The following ARHGAP17 variants were observed in gnomAD, a reference collection of about 807,000 sequenced individuals.
ARHGAP17 encodes Rho GTPase activating protein 17.
A neutral mutation model predicts 99.5 loss-of-function variants in ARHGAP17; 57 were observed. The observed-to-expected ratio is 0.57, with a 90% CI of 0.46 to 0.71. The LOEUF (loss-of-function observed/expected upper bound fraction) is 0.71. Among genes scored for constraint, ARHGAP17 ranks in the 30% least tolerant of loss-of-function variants. The pLI, the probability that ARHGAP17 is intolerant of heterozygous loss-of-function variation, is 0.00. For missense variants in ARHGAP17, 1,000 were observed against 1,122.4 expected (o/e 0.89, Z 1.56); for synonymous variants, 417 against 429.6 (o/e 0.97, Z 0.36).
In ARHGAP17 at chr16:24,978,948, G is replaced by A. The variant is rs368447541; in HGVS notation, c.93+18C>T. ...CATCCTTTAAACAGATCATTTAAAG[G>A]AGACTATATTTTGTTACCTGTAATA... On this transcript the variant is annotated intron_variant, in intron 2 of 19. Coordinates refer to ENST00000289968, the MANE Select transcript of ARHGAP17 (RefSeq NM_001006634.3). 12 of 1,572,118 alleles carry A rather than the reference G, an allele frequency of 7.6e-6. No individual in the cohort carries two copies. The highest frequency in any genetic ancestry group is 1.0e-5 in the Non-Finnish European group (12 of 1,161,640).
Position 24,947,481 on chromosome 16 carries a change from C to A in ARHGAP17, c.1241+1G>T, listed in dbSNP as rs2141214358. 1 of 1,610,714 alleles carries A rather than the reference C, an allele frequency of 6.2e-7. No individual in the cohort carries two copies. The highest frequency in any genetic ancestry group is 8.5e-7 in the Non-Finnish European group (1 of 1,177,716). ...AAATGATACAGAGAAAGATGACTTA[C>A]CCTTCATTTCTGGCCCATAACAAGT... On this transcript the variant is annotated splice_donor_variant, in intron 14 of 19. Coordinates refer to ENST00000289968, the MANE Select transcript of ARHGAP17 (RefSeq NM_001006634.3). LOFTEE classifies it high-confidence loss of function.
intron 10 of ARHGAP17, 115 bp downstream of exon 10, chr16:24,954,488 G>T (rs1687489064): frequency 7.1e-7 from 1 of 1,411,330 alleles, no homozygotes. Flanking sequence ...ACACAAAACG[G>T]ACAATGGCTG....
At position 24,920,152 on chromosome 16, in the gene ARHGAP17, T is replaced by C; in HGVS notation, c.2624A>G (p.Asp875Gly). The C allele has an allele frequency of 6.2e-7, 1 of 1,614,066 alleles. No homozygotes were observed. The highest frequency in any genetic ancestry group is 8.5e-7 in the Non-Finnish European group (1 of 1,179,976). The change falls in exon 20 of 20, where the codon GAT becomes GGT. Residue 875 changes from aspartate (D) to glycine (G), a missense_variant. This residue lies in a region of ARHGAP17 where 528 missense variants were observed against 511.4 expected (regional missense o/e 1.03). Transcript: ENST00000289968. Reference sequence around the variant, plus strand: ...TCTTCACAGGGCAGTGCTCTCGGTATCATTGTCTATATCCAGCAGGATGCG... The same window carrying C: ...TCTTCACAGGGCAGTGCTCTCGGTACCATTGTCTATATCCAGCAGGATGCG... The part of the protein sequence containing the change: ...PGRILLDIDN[D>G]TESTAL
chr16:25,014,475 T>C (rs546299862), intron 1 of ARHGAP17, among the ~76,000 whole-genome samples: 195 of 152,362 alleles, frequency 1.3e-3, no homozygotes, highest in Non-Finnish European at 1.6e-3. Context: ...ACTTCAACCG[T>C]AGCAAAGGAA....
At chr16:24,968,636 C>T in intron 5 of ARHGAP17, 25 bp downstream of exon 5, 2 of 1,611,990 alleles carry the variant, frequency 1.2e-6, no homozygotes, top group Non-Finnish European at 1.7e-6. Context: ...CTCGGCTCTT[C>T]CGTGCTGCAC....
At chr16:24,964,164 C>A (rs759849941) in intron 7 of ARHGAP17, 33 bp downstream of exon 7, 16 of 1,448,344 alleles carry the variant, frequency 1.1e-5, no homozygotes, top group African/African-American at 4.3e-5. Flanking sequence ...TTGCAAAAAC[C>A]GAAAAGATAC....
intron 1 of ARHGAP17, among the ~76,000 whole-genome samples, chr16:24,983,296 T>A (rs1220313446): frequency 6.6e-6 from 1 of 150,984 alleles, no homozygotes; most frequent in East Asian, 2.0e-4. Context: ...TGAGCCACCG[T>A]ACGCGGCCAG....
chr16:24,939,794 A>T (rs887727526), intron 16 of ARHGAP17, 197 bp from the exon 17 acceptor site: 3 of 621,334 alleles, frequency 4.8e-6, no homozygotes, highest in Non-Finnish European at 8.5e-6. Context: ...AAGCCAATGA[A>T]CCTGGTACTG....
intron 17 of ARHGAP17, among the ~76,000 whole-genome samples, chr16:24,937,951 G>A (rs1392419439): frequency 6.6e-6 from 1 of 152,246 alleles, no homozygotes; most frequent in Non-Finnish European, 1.5e-5. Context: ...TGGCACACAT[G>A]TATGCAAAGC....
intron 1 of ARHGAP17, among the ~76,000 whole-genome samples, chr16:24,982,276 C>T (rs1016475333): frequency 6.6e-6 from 1 of 151,956 alleles, no homozygotes; most frequent in Non-Finnish European, 1.5e-5. Flanking sequence ...TGGTGCCACA[C>T]ACCTGTAGTC....
chr16:24,949,108 A>T (rs529296738), intron 13 of ARHGAP17: 44 of 259,996 alleles, frequency 1.7e-4, no homozygotes, highest in Admixed American at 2.6e-4. Flanking sequence ...TGGACTCCAA[A>T]CCCAACATAC....
intron 14 of ARHGAP17, among the ~76,000 whole-genome samples, chr16:24,944,980 G>A (rs955583914): frequency 9.2e-5 from 14 of 151,912 alleles, no homozygotes; most frequent in African/African-American, 3.4e-4. Context: ...CATATATGTG[G>A]ACTAGTCTCA....
chr16:24,942,410 T>C (rs1242813014), intron 15 of ARHGAP17, among the ~76,000 whole-genome samples: 3 of 151,952 alleles, frequency 2.0e-5, no homozygotes, highest in Admixed American at 2.0e-4. Context: ...AAAAAATAAA[T>C]AAAAACAAAT....
At chr16:25,004,000 C>T (rs1291218935) in intron 1 of ARHGAP17, among the ~76,000 whole-genome samples, 1 of 152,058 alleles carries the variant, frequency 6.6e-6, no homozygotes, top group African/African-American at 2.4e-5. Flanking sequence ...CTAAGAATCA[C>T]ATAATGGTTG....
At chr16:25,006,630 T>TA (rs2053514542) in intron 1 of ARHGAP17, among the ~76,000 whole-genome samples, 1 of 152,060 alleles carries the variant, frequency 6.6e-6, no homozygotes, top group East Asian at 1.9e-4. Flanking sequence ...ATAAATACCA[T>TA]AGGCGTTGCA....
chr16:24,967,778 CAAA>C (rs940394750), intron 6 of ARHGAP17, among the ~76,000 whole-genome samples: 9 of 59,382 alleles, frequency 1.5e-4, no homozygotes, highest in Admixed American at 5.4e-4. Flanking sequence ...GACCTTGACT[CAAA>C]AAAAAAAAAA....
At chr16:24,935,270 A>T (rs1482825092) in intron 18 of ARHGAP17, among the ~76,000 whole-genome samples, 200 bp downstream of exon 18, 2 of 152,144 alleles carry the variant, frequency 1.3e-5, no homozygotes, top group African/African-American at 4.8e-5. Flanking sequence ...CTAAGGAAAA[A>T]CTAAATGTCT....
chr16:24,931,201 T>A lies in ARHGAP17; in HGVS notation c.2098A>T (p.Arg700Trp), dbSNP rs1204967194. The change falls in exon 19 of 20, where the codon AGG (arginine) becomes TGG (tryptophan). Residue 700 changes from arginine to tryptophan, a missense_variant. By Grantham distance (101) the Arg-to-Trp change is moderately radical. This residue lies in a region of ARHGAP17 where 528 missense variants were observed against 511.4 expected (regional missense o/e 1.03). Transcript: ENST00000289968. ...ATTGGAGACAAGCTGCTGGAGTACC[T>A]CCGGGGTGCTGAGAGCTGGGAGGGG... ...SAPSQLSAPRRYSSSLSPIQA... is the reference protein window; with the variant it reads ...SAPSQLSAPRWYSSSLSPIQA... The A allele has an allele frequency of 8.9e-6, 14 of 1,565,960 alleles. No homozygotes were observed. Among genetic ancestry groups the A allele is most frequent in the Non-Finnish European group, 1.2e-5 (14 of 1,156,428 alleles).
chr16:24,949,209 C>T (rs2051560618), intron 13 of ARHGAP17, 195 bp downstream of exon 13: 1 of 478,780 alleles, frequency 2.1e-6, no homozygotes, highest in Non-Finnish European at 3.7e-6. Flanking sequence ...AGGCATGATA[C>T]TGATGCTTCA....
Sources: gnomAD v4.1 joint callset for allele counts (sites outside exome capture counted in the v4.1 genomes callset) on GRCh38, gnomAD v4.1.1 for gene constraint, gnomAD v4.1.1 regional missense constraint, MANE v1.5 for transcripts, NCBI Gene and HGNC (gene_info 2026-07-23, HGNC 2026-07-21) for gene names.